ADGRL2: variants seen among roughly 807,000 people sequenced by gnomAD.
ADGRL2 encodes calcium-independent alpha-latrotoxin receptor 2.
ADGRL2 carries 44 observed loss-of-function variants against 157.4 expected under a neutral mutation model. That is an observed-to-expected ratio of 0.28 (90% confidence interval 0.22 to 0.36). The LOEUF is 0.36. Among genes scored for constraint, ADGRL2 ranks in the 10% least tolerant of loss-of-function variants. The pLI, the probability that ADGRL2 is intolerant of heterozygous loss-of-function variation, is 1.00. For synonymous variants in ADGRL2, 585 were observed against 624.7 expected (o/e 0.94, Z 0.95); for missense variants, 1,510 against 1,768.9 (o/e 0.85, Z 2.63).
chr1:81,410,867 G>A (rs2076934456), intron 1 of ADGRL2, among the ~76,000 whole-genome samples: 1 of 152,172 alleles, frequency 6.6e-6, no homozygotes, highest in Admixed American at 6.5e-5. Flanking sequence ...CTTTGTATGT[G>A]TATTCCATCT....
chr1:81,639,202 TGGGATTTACAG>T (rs1201556268), intron 3 of ADGRL2, among the ~76,000 whole-genome samples: 1 of 152,080 alleles, frequency 6.6e-6, no homozygotes, highest in Non-Finnish European at 1.5e-5. Flanking sequence ...CTTGAATAGC[TGGGATTTACAG>T]GCACCCACCA....
At chr1:81,845,561 G>A (rs889667030) in intron 2 of ADGRL2, among the ~76,000 whole-genome samples, 1 of 151,952 alleles carries the variant, frequency 6.6e-6, no homozygotes, top group Non-Finnish European at 1.5e-5. Flanking sequence ...TAATTTGGGG[G>A]ATACTTCTGG....
At chr1:81,827,575 G>T (rs867910036) in intron 1 of ADGRL2, among the ~76,000 whole-genome samples, 2 of 151,796 alleles carry the variant, frequency 1.3e-5, no homozygotes, top group Non-Finnish European at 1.5e-5. Flanking sequence ...AACACGAATT[G>T]TTTTTTTTGA....
At chr1:81,789,855 T>C (rs1164948376) in intron 2 of ADGRL2, among the ~76,000 whole-genome samples, 2 of 152,156 alleles carry the variant, frequency 1.3e-5, no homozygotes, top group African/African-American at 4.8e-5. Flanking sequence ...TTTCTGGTGA[T>C]CTGGCAGGGA....
chr1:81,437,984 G>A lies in ADGRL2; in HGVS notation c.-301-7052G>A, dbSNP rs976869555. 3.3e-5 allele frequency among the ~76,000 whole-genome samples: 5 copies of A among 151,790 alleles called. No individual in the cohort carries two copies. In the East Asian group the frequency reaches 7.7e-4, roughly 24 times the overall value. On this transcript the variant is annotated intron_variant, in intron 1 of 24. Transcript: ENST00000370721. The stretch of plus-strand genomic sequence containing the variant: ...CACCTATGTCCCCACAGAGGCCATT[G>A]CATAGCGTTGCCTCCCAGGAGTTAC...
At chr1:81,858,957 T>A (rs2093301225) in intron 2 of ADGRL2, among the ~76,000 whole-genome samples, 2 of 152,206 alleles carry the variant, frequency 1.3e-5, no homozygotes, top group South Asian at 4.1e-4. Context: ...TATTTATTTT[T>A]ACTACATATT....
intron 3 of ADGRL2, chr1:81,596,390 C>A: frequency 2.0e-6 from 1 of 491,988 alleles, no homozygotes; most frequent in South Asian, 1.6e-5. Flanking sequence ...CTCCTCTGAT[C>A]AAGTCAGCTC....
At chr1:81,710,691 A>T (rs561186707) in intron 1 of ADGRL2, among the ~76,000 whole-genome samples, 10 of 151,110 alleles carry the variant, frequency 6.6e-5, no homozygotes, top group African/African-American at 2.4e-4. Flanking sequence ...TTACCACGTT[A>T]GAAATTAAAA....
chr1:81,592,156 G>A (rs1264225554), intron 3 of ADGRL2, among the ~76,000 whole-genome samples: 2 of 152,150 alleles, frequency 1.3e-5, no homozygotes, highest in Non-Finnish European at 2.9e-5. Flanking sequence ...CTCAAAGCCA[G>A]AGACATTGCA....
intron 2 of ADGRL2, among the ~76,000 whole-genome samples, chr1:81,530,136 T>G (rs1021726438): frequency 1.3e-5 from 2 of 152,098 alleles, no homozygotes. Context: ...CATCTAGTAG[T>G]GACAGGCCTA....
intron 3 of ADGRL2, among the ~76,000 whole-genome samples, chr1:81,677,807 GT>G (rs2083027377): frequency 6.6e-6 from 1 of 152,102 alleles, no homozygotes; most frequent in Non-Finnish European, 1.5e-5. Context: ...TTATCCTTCT[GT>G]TTAAAACTTT....
At chr1:81,599,056 A>G (rs1009059546) in intron 3 of ADGRL2, among the ~76,000 whole-genome samples, 1 of 152,182 alleles carries the variant, frequency 6.6e-6, no homozygotes, top group Non-Finnish European at 1.5e-5. Context: ...TGGACCTTAC[A>G]TTTTAGCAAA....
Position 81,943,068 on chromosome 1 carries a change from C to A in ADGRL2, c.509C>A (p.Ala170Asp). Residue 170 changes from alanine to aspartate, a missense_variant, in exon 6 of 24, where the codon GCT (alanine) becomes GAT (aspartate). Coordinates refer to ENST00000686636, the MANE Select transcript of ADGRL2 (RefSeq NM_001366006.2). This position sits in a 1 kb window ranked among gnomAD's most constrained non-coding sequence, Gnocchi z 5.6. The part of the protein sequence containing the change: ...AGAWCKDPLQ[A>D]ADKIYFMPWT... ...GCTTGGTGCAAGGACCCTCTTCAGG[C>A]TGCAGATAAAATTTATTTCATGCCC... is the stretch of plus-strand genomic sequence containing the variant. 1 of 1,613,280 alleles carries A rather than the reference C, an allele frequency of 6.2e-7. No homozygotes were observed. The highest frequency in any genetic ancestry group is 1.1e-5 in the South Asian group (1 of 91,070).
At chr1:81,722,659 AAAG>A in intron 1 of ADGRL2, 1 of 1,350,130 alleles carries the variant, frequency 7.4e-7, no homozygotes, top group Non-Finnish European at 1.0e-6. Flanking sequence ...TACAATGCTG[AAAG>A]AAGTTCAACC....
chr1:81,410,120 T>C (rs1287449305), intron 1 of ADGRL2, among the ~76,000 whole-genome samples: 1 of 152,240 alleles, frequency 6.6e-6, no homozygotes, highest in East Asian at 1.9e-4. Flanking sequence ...CTTTCTATTA[T>C]TATGACATCT....
At chr1:81,390,813 C>T (rs1447407143) in intron 1 of ADGRL2, among the ~76,000 whole-genome samples, 1 of 152,310 alleles carries the variant, frequency 6.6e-6, no homozygotes, top group Non-Finnish European at 1.5e-5. Context: ...ATTTATTTAA[C>T]CAATCCACTG....
chr1:81,747,305 A>T lies in ADGRL2; in HGVS notation c.-142-14506A>T, dbSNP rs75733287. On this transcript the variant is annotated intron_variant, in intron 1 of 20. Transcript: ENST00000359929. ...TGTGCATACATGTGTATATATATAT[A>T]TATTTTTTTTTTTGAGATGGAGTCT... Among the ~76,000 whole-genome samples, 463 of 139,794 alleles carry T rather than the reference A, an allele frequency of 3.3e-3. 2 individuals carry two copies. Among genetic ancestry groups the T allele is most frequent in the African/African-American group, 7.4e-3 (287 of 38,906 alleles). The allele number at this position is 139,794 out of a possible 152,430, so 91.7% of individuals were successfully genotyped here.
intron 2 of ADGRL2, among the ~76,000 whole-genome samples, chr1:81,576,974 G>A (rs551727729): frequency 2.0e-5 from 3 of 152,178 alleles, no homozygotes; most frequent in Admixed American, 2.0e-4. Flanking sequence ...TTCAAGCATG[G>A]TTATCATTTT....
intron 1 of ADGRL2, among the ~76,000 whole-genome samples, chr1:81,386,555 C>T (rs565686277): frequency 9.4e-4 from 143 of 152,086 alleles, no homozygotes; most frequent in Non-Finnish European, 1.6e-3. Context: ...CCTGGGACCT[C>T]GTATTTTTGG....
Sources: gnomAD v4.1 joint callset for allele counts (sites outside exome capture counted in the v4.1 genomes callset) on GRCh38, gnomAD v4.1.1 for gene constraint, Gnocchi (gnomAD v3.1) non-coding constraint, MANE v1.5 for transcripts, NCBI Gene and HGNC (gene_info 2026-07-23, HGNC 2026-07-21) for gene names.